Variants in PCDHGA4 observed in about 807,000 individuals in gnomAD.
The protein encoded by PCDHGA4 is protocadherin gamma subfamily A, 4.
PCDHGA4 carries 38 observed loss-of-function variants against 54.6 expected under a neutral mutation model. The observed-to-expected ratio is 0.70, with a 90% CI of 0.54 to 0.91. The LOEUF (loss-of-function observed/expected upper bound fraction) is 0.91. PCDHGA4 is among the 40% of genes least tolerant of loss of function. The probability of loss-of-function intolerance (pLI) is 0.00; values close to 1 mark genes in which losing one functional copy is unlikely to be tolerated. For missense variants in PCDHGA4, 1,298 were observed against 1,220.9 expected, an observed-to-expected ratio of 1.06 and a Z score of -0.94; for synonymous variants, 511 against 512.9, an observed-to-expected ratio of 1.00 and a Z score of 0.05.
chr5:141,372,402 G>C, intron 1 of PCDHGA4: 1 of 1,614,058 alleles, frequency 6.2e-7, no homozygotes, highest in Non-Finnish European at 8.5e-7. Context: ...TAGCTTGCAA[G>C]AGATACAACC....
intron 2 of PCDHGA4, among the ~76,000 whole-genome samples, chr5:141,499,015 AG>A (rs2099788530): frequency 6.6e-6 from 1 of 151,284 alleles, no homozygotes; most frequent in Non-Finnish European, 1.5e-5. Context: ...GAAGGAAGGA[AG>A]GAAGGAAGGA....
intron 1 of PCDHGA4, chr5:141,399,029 A>G: frequency 6.2e-7 from 1 of 1,613,912 alleles, no homozygotes. Context: ...ACCACTCAAA[A>G]GAAACTGGAT....
In PCDHGA4 at chr5:141,356,733, A is replaced by G. The variant is rs755469317; in HGVS notation, c.1626A>G (p.Thr542=). The change falls in exon 1 of 4, where the codon ACA becomes ACG. Residue 542 remains threonine (T), a synonymous_variant. Transcript: ENST00000571252. ...CCTATGTCTCCATCAACTCCAATAC[A>G]GGGATCCTATATGCTCTTTGCTCCT... ...LSSYVSINSN[T]GILYALCSFD... The G allele has an allele frequency of 1.2e-6, 2 of 1,613,996 alleles. No individual in the cohort carries two copies. Among genetic ancestry groups the G allele is most frequent in the Non-Finnish European group, 1.7e-6 (2 of 1,179,880 alleles).
At chr5:141,469,372 C>A (rs780872014) in intron 1 of PCDHGA4, among the ~76,000 whole-genome samples, 1 of 151,990 alleles carries the variant, frequency 6.6e-6, no homozygotes, top group East Asian at 1.9e-4. Context: ...GTAAAGAGAT[C>A]GAGACCATCC....
At chr5:141,468,560 T>TA (rs2099169084) in intron 1 of PCDHGA4, 1 of 152,004 alleles carries the variant, frequency 6.6e-6, no homozygotes, top group Non-Finnish European at 1.5e-5. Context: ...ATTTGTGATA[T>TA]AGTAAACAAT....
At chr5:141,423,679 C>T in intron 1 of PCDHGA4, 2 of 1,487,594 alleles carry the variant, frequency 1.3e-6, no homozygotes, top group South Asian at 1.3e-5. Context: ...TATTTCTCTG[C>T]CTCCTAATTG....
rs980944782 is a variant in PCDHGA4 at position 141,487,625 on chromosome 5, T to C, written c.2515-7182T>C. On this transcript the variant is annotated intron_variant, in intron 1 of 3. Coordinates refer to ENST00000571252, the MANE Select transcript of PCDHGA4 (RefSeq NM_018917.4). This position sits in a 1 kb window ranked among gnomAD's most constrained non-coding sequence, Gnocchi z 5.0. ...TCTCTATGGGCTAGAGGTGAGACCT[T>C]TGCAGGCTCAACAAATGCTTGAGGG... 4 of 1,614,090 alleles carry C rather than the reference T, an allele frequency of 2.5e-6. No homozygotes were observed. Among genetic ancestry groups the C allele is most frequent in the Admixed American group, 3.3e-5 (2 of 60,004 alleles).
At position 141,403,513 on chromosome 5, in the gene PCDHGA4, T is replaced by G. The variant is rs754840157; in HGVS notation, c.2514+45892T>G. ...CCCTGAACGTGCAGACTGGAGACAATGGAGCCATAAACCCAGAGCTGGTGC... is the reference window on the plus strand; with the variant it reads ...CCCTGAACGTGCAGACTGGAGACAAGGGAGCCATAAACCCAGAGCTGGTGC... On this transcript the variant is annotated intron_variant, in intron 1 of 3. Coordinates refer to ENST00000571252, the MANE Select transcript of PCDHGA4 (RefSeq NM_018917.4). 8.1e-5 allele frequency: 131 copies of G among 1,613,832 alleles called. 1 individual carries two copies. In the African/African-American group the frequency reaches 1.2e-3, roughly 15 times the overall value.
At chr5:141,366,664 G>T (rs1477897734) in intron 1 of PCDHGA4, 2 of 1,614,118 alleles carry the variant, frequency 1.2e-6, no homozygotes, top group African/African-American at 1.3e-5. Context: ...ACGCAGACAC[G>T]CTCCTTAGTG....
chr5:141,400,699 A>G (rs1040547233), intron 1 of PCDHGA4: 1 of 733,556 alleles, frequency 1.4e-6, no homozygotes, highest in Non-Finnish European at 2.2e-6. Flanking sequence ...TATGTCGCAT[A>G]AAAGAAGTAG....
intron 1 of PCDHGA4, among the ~76,000 whole-genome samples, chr5:141,480,098 T>C (rs1415853757): frequency 6.6e-6 from 1 of 152,168 alleles, no homozygotes. Context: ...GTATGCAAAG[T>C]GTTTAGCATG....
At chr5:141,422,287 A>G in intron 1 of PCDHGA4, 3 of 1,553,500 alleles carry the variant, frequency 1.9e-6, no homozygotes, top group South Asian at 1.3e-5. Context: ...CACCTCTTCT[A>G]TTAATTCAAT....
At chr5:141,408,301 C>G in intron 1 of PCDHGA4, 1 of 1,613,756 alleles carries the variant, frequency 6.2e-7, no homozygotes, top group Non-Finnish European at 8.5e-7. Context: ...GTGAGCCGAT[C>G]CGCTACTCGA....
rs142703691 is a variant in PCDHGA4 at position 141,489,691 on chromosome 5, C to T, written c.2515-5116C>T. On this transcript the variant is annotated intron_variant, in intron 1 of 3. Transcript: ENST00000571252. The surrounding 1 kb of genome is among the most constrained non-coding windows in gnomAD (Gnocchi z 4.5). ...CTCAGAATCAGCAGCATCTGGGGCACGATTCCCACTGGACAGTGCCCAGGA... is the reference window on the plus strand; with the variant it reads ...CTCAGAATCAGCAGCATCTGGGGCATGATTCCCACTGGACAGTGCCCAGGA... 8.1e-6 allele frequency: 13 copies of T among 1,614,164 alleles called. No individual in the cohort carries two copies. The highest frequency in any genetic ancestry group is 3.3e-5 in the South Asian group (3 of 91,080).
chr5:141,400,783 T>G (rs2094075214), intron 1 of PCDHGA4: 1 of 566,968 alleles, frequency 1.8e-6, no homozygotes, highest in African/African-American at 1.9e-5. Flanking sequence ...TGCGTTTTTT[T>G]GTCCTCTTTC....
At chr5:141,463,808 T>C (rs1018369312) in intron 1 of PCDHGA4, among the ~76,000 whole-genome samples, 2 of 152,196 alleles carry the variant, frequency 1.3e-5, no homozygotes, top group African/African-American at 4.8e-5. Flanking sequence ...CTAAAAGCTT[T>C]TATCACACAT....
At chr5:141,500,244 T>C (rs1426405294) in intron 2 of PCDHGA4, among the ~76,000 whole-genome samples, 1 of 151,640 alleles carries the variant, frequency 6.6e-6, no homozygotes, top group Non-Finnish European at 1.5e-5. Context: ...AGCCTTGCTC[T>C]GTCACCCAGG....
intron 1 of PCDHGA4, chr5:141,408,828 G>C: frequency 6.2e-7 from 1 of 1,613,614 alleles, no homozygotes; most frequent in East Asian, 2.2e-5. Context: ...AGATCTCATA[G>C]CTTGATATTG....
chr5:141,395,036 G>C, intron 1 of PCDHGA4: 2 of 1,614,110 alleles, frequency 1.2e-6, no homozygotes, highest in South Asian at 1.1e-5. Context: ...CACATTTTGT[G>C]GGTGTTGAGG....
Sources: allele counts gnomAD v4.1 joint callset (sites outside exome capture counted in the v4.1 genomes callset), GRCh38; gene constraint gnomAD v4.1.1; non-coding constraint Gnocchi (gnomAD v3.1); transcripts MANE v1.5; gene names NCBI Gene and HGNC (gene_info 2026-07-23, HGNC 2026-07-21).